The following LARGE1 variants were observed in gnomAD, a reference collection of about 807,000 sequenced individuals.
The protein encoded by LARGE1 is xylosyl- and glucuronyltransferase LARGE1.
In LARGE1, 43 loss-of-function variants were observed where a neutral mutation model predicts 87.6. That is an observed-to-expected ratio of 0.49 (90% CI 0.38 to 0.63). The LOEUF (loss-of-function observed/expected upper bound fraction) is 0.63, where lower values mean the gene tolerates loss of function less well. Ranked by LOEUF, LARGE1 falls within the 30% of genes least tolerant of loss-of-function variation. The probability of loss-of-function intolerance (pLI) is 0.00; values close to 1 mark genes in which losing one functional copy is unlikely to be tolerated. For missense variants in LARGE1, 802 were observed against 1,000.2 expected (o/e 0.80, Z 2.67); for synonymous variants, 434 against 394.6 (o/e 1.10, Z -1.18).
intron 1 of LARGE1, among the ~76,000 whole-genome samples, chr22:33,816,637 C>T (rs748401790): frequency 2.0e-5 from 3 of 151,432 alleles, no homozygotes; most frequent in African/African-American, 2.4e-5. Flanking sequence ...GGCGGGAGGG[C>T]GGGTGGACAT....
chr22:33,632,047 G>T (rs1282218196), intron 3 of LARGE1, among the ~76,000 whole-genome samples: 2 of 152,174 alleles, frequency 1.3e-5, no homozygotes, highest in African/African-American at 4.8e-5. Flanking sequence ...GATGGAGGAT[G>T]GAATGATGTT....
At chr22:33,335,763 G>T (rs952272940) in intron 10 of LARGE1, among the ~76,000 whole-genome samples, 2 of 152,226 alleles carry the variant, frequency 1.3e-5, no homozygotes, top group East Asian at 3.9e-4. Flanking sequence ...TACCTGGAAC[G>T]TGCTCCCTTT....
intron 12 of LARGE1, among the ~76,000 whole-genome samples, chr22:33,292,902 C>G (rs1238061952): frequency 6.6e-6 from 1 of 152,102 alleles, no homozygotes; most frequent in Non-Finnish European, 1.5e-5. Flanking sequence ...ATAATAAATG[C>G]TTTATGGACT....
rs2065362541 is a variant in LARGE1 at position 33,387,396 on chromosome 22, C to T, written c.893-3092G>A. Among the ~76,000 whole-genome samples the T allele has an allele frequency of 4.7e-5, 6 of 128,256 alleles. No homozygotes were observed. The Admixed American group carries it at 5.4e-4, about 12-fold the overall frequency. 84.1% of individuals were successfully genotyped at this position (128,256 alleles called of 152,430 possible). ...GAGCTGAGATTGCACCACTGTCCTC[C>T]AGTGGGGGTAACAGAGTGAGACTCT... On this transcript the variant is annotated intron_variant, in intron 7 of 14. Transcript: ENST00000397394.
At chr22:33,480,960 A>G (rs1479381915) in intron 6 of LARGE1, among the ~76,000 whole-genome samples, 24 of 152,136 alleles carry the variant, frequency 1.6e-4, no homozygotes, top group Admixed American at 1.6e-3. Flanking sequence ...TTAACAACTT[A>G]AATTTAAATT....
intron 1 of LARGE1, among the ~76,000 whole-genome samples, chr22:33,863,853 A>C (rs947853293): frequency 1.3e-5 from 2 of 152,206 alleles, no homozygotes; most frequent in Admixed American, 6.5e-5. Flanking sequence ...AGACACTAAA[A>C]GTAACCCAGG....
chr22:33,816,925 C>T (rs955221101), intron 1 of LARGE1, among the ~76,000 whole-genome samples: 1 of 152,142 alleles, frequency 6.6e-6, no homozygotes, highest in African/African-American at 2.4e-5. Flanking sequence ...CTCTCTCACT[C>T]AAGTCATTCT....
Position 33,778,342 on chromosome 22 carries a change from A to G in LARGE1, c.-82-16784T>C, listed in dbSNP as rs575424610. Among the ~76,000 whole-genome samples the G allele has an allele frequency of 2.0e-5, 3 of 152,314 alleles. No homozygotes were observed. In the East Asian group the frequency reaches 5.8e-4, roughly 29 times the overall value. Reference sequence around the variant, plus strand: ...CTTTTTCTTTTTATTGCAGCAAAATACACATAACATAACATTAACCACTTT... The same window carrying G: ...CTTTTTCTTTTTATTGCAGCAAAATGCACATAACATAACATTAACCACTTT... On this transcript the variant is annotated intron_variant, in intron 1 of 14. Coordinates refer to ENST00000397394, the MANE Select transcript of LARGE1 (RefSeq NM_133642.5).
chr22:33,506,682 C>A (rs1896335259), intron 6 of LARGE1, among the ~76,000 whole-genome samples: 1 of 152,138 alleles, frequency 6.6e-6, no homozygotes, highest in South Asian at 2.1e-4. Flanking sequence ...GGGTAGATCA[C>A]CTGAGGTCAG....
chr22:33,915,659 A>T (rs548340882), intron 1 of LARGE1, among the ~76,000 whole-genome samples: 12 of 152,366 alleles, frequency 7.9e-5, no homozygotes, highest in South Asian at 2.1e-4. Flanking sequence ...GTTTTTAATA[A>T]CAATGTGGGA....
chr22:33,499,234 G>A (rs79198260), intron 6 of LARGE1, among the ~76,000 whole-genome samples: 1 of 152,152 alleles, frequency 6.6e-6, no homozygotes, highest in African/African-American at 2.4e-5. Context: ...CCAAAGGAAG[G>A]TGCCTATAGT....
intron 1 of LARGE1, among the ~76,000 whole-genome samples, chr22:33,776,887 C>T (rs1272647507): frequency 6.6e-6 from 1 of 152,134 alleles, no homozygotes; most frequent in Non-Finnish European, 1.5e-5. Flanking sequence ...GTCCACAAGG[C>T]ACCTACTGAC....
At chr22:33,291,620 TA>T (rs1242660157) in intron 12 of LARGE1, among the ~76,000 whole-genome samples, 1 of 151,752 alleles carries the variant, frequency 6.6e-6, no homozygotes, top group Non-Finnish European at 1.5e-5. Context: ...TTAATACATT[TA>T]ATACATAATG....
intron 11 of LARGE1, among the ~76,000 whole-genome samples, chr22:33,252,912 T>C (rs1323473472): frequency 6.6e-6 from 1 of 152,216 alleles, no homozygotes; most frequent in African/African-American, 2.4e-5. Context: ...TTGACCAAAG[T>C]GTGATAGACA....
intron 1 of LARGE1, among the ~76,000 whole-genome samples, chr22:33,834,303 C>G (rs891515352): frequency 6.6e-6 from 1 of 152,144 alleles, no homozygotes; most frequent in African/African-American, 2.4e-5. Context: ...CCTCTGAGCC[C>G]AAGCTAAGCC....
intron 1 of LARGE1, among the ~76,000 whole-genome samples, chr22:33,884,171 C>T (rs1168950902): frequency 1.3e-5 from 2 of 152,204 alleles, no homozygotes; most frequent in Non-Finnish European, 2.9e-5. Flanking sequence ...AATGTCAGCT[C>T]ATTCAGGGCA....
the LARGE1 span, among the ~76,000 whole-genome samples, chr22:33,152,681 C>T: frequency 2.6e-5 from 4 of 151,956 alleles, no homozygotes; most frequent in East Asian, 3.9e-4. Context: ...GCATGATAAT[C>T]GCAGCATAGA....
chr22:33,759,496 C>T (rs1241792635), intron 2 of LARGE1, among the ~76,000 whole-genome samples: 1 of 152,120 alleles, frequency 6.6e-6, no homozygotes, highest in African/African-American at 2.4e-5. Flanking sequence ...GTATTAAACG[C>T]ACCTGGCACA....
the LARGE1 span, among the ~76,000 whole-genome samples, chr22:33,097,092 T>A: frequency 6.6e-6 from 1 of 151,724 alleles, no homozygotes; most frequent in Non-Finnish European, 1.5e-5. Flanking sequence ...TGTCTTGGGG[T>A]TTTTATGCTC....
Sources: gnomAD v4.1 joint callset for allele counts (sites outside exome capture counted in the v4.1 genomes callset) on GRCh38, gnomAD v4.1.1 for gene constraint, MANE v1.5 for transcripts, NCBI Gene and HGNC (gene_info 2026-07-23, HGNC 2026-07-21) for gene names.